Variants in NR3C2 observed in about 807,000 individuals in gnomAD.
NR3C2 encodes mineralocorticoid receptor.
A neutral mutation model predicts 86.4 loss-of-function variants in NR3C2; 15 were observed. The ratio of observed to expected loss-of-function variants is 0.17; its 90% CI spans 0.12 to 0.27. NR3C2 has a LOEUF of 0.27. Among genes scored for constraint, NR3C2 ranks in the 10% least tolerant of loss-of-function variants. The probability of loss-of-function intolerance (pLI) is 1.00; values close to 1 mark genes in which losing one functional copy is unlikely to be tolerated. For synonymous variants in NR3C2, 458 were observed against 450.5 expected, an observed-to-expected ratio of 1.02 and a Z score of -0.21; for missense variants, 960 against 1,195.6, an observed-to-expected ratio of 0.80 and a Z score of 2.91.
chr4:148,136,078 A>C (rs1222417155), intron 6 of NR3C2, among the ~76,000 whole-genome samples: 2 of 33,590 alleles, frequency 6.0e-5, no homozygotes, highest in Admixed American at 2.9e-4. Flanking sequence ...AAAAAAAAAC[A>C]AAAAAAAAAA....
At chr4:148,386,613 G>T (rs1453684281) in intron 2 of NR3C2, among the ~76,000 whole-genome samples, 1 of 152,192 alleles carries the variant, frequency 6.6e-6, no homozygotes, top group Non-Finnish European at 1.5e-5. Flanking sequence ...CTTATGCCAA[G>T]AATGAAGCGA....
intron 8 of NR3C2, among the ~76,000 whole-genome samples, chr4:148,086,588 A>G (rs1009464755): frequency 2.6e-5 from 4 of 152,184 alleles, no homozygotes; most frequent in Admixed American, 2.6e-4. Flanking sequence ...AAATAAATAA[A>G]TAAATTAGCC....
At chr4:148,306,814 G>C (rs997200044) in intron 2 of NR3C2, among the ~76,000 whole-genome samples, 2 of 152,156 alleles carry the variant, frequency 1.3e-5, no homozygotes, top group East Asian at 3.9e-4. Context: ...ATTAAAAATA[G>C]ATTATAGCAC....
chr4:148,169,958 AG>A (rs1735050400), intron 4 of NR3C2, among the ~76,000 whole-genome samples: 1 of 152,248 alleles, frequency 6.6e-6, no homozygotes, highest in African/African-American at 2.4e-5. Context: ...AGCAGGAGAA[AG>A]AGAGAAACTG....
chr4:148,265,674 G>A (rs1423746854), intron 2 of NR3C2, among the ~76,000 whole-genome samples: 6 of 152,110 alleles, frequency 3.9e-5, no homozygotes, highest in South Asian at 2.1e-4. Flanking sequence ...CACCATCACC[G>A]GCTACAGTGT....
chr4:148,223,528 G>T (rs75415607), intron 3 of NR3C2, among the ~76,000 whole-genome samples: 1 of 152,158 alleles, frequency 6.6e-6, no homozygotes, highest in South Asian at 2.1e-4. Context: ...CAAAGTCAGG[G>T]TGTTACTGAG....
intron 3 of NR3C2, among the ~76,000 whole-genome samples, chr4:148,199,659 C>T (rs959539861): frequency 2.6e-5 from 4 of 152,046 alleles, no homozygotes; most frequent in Non-Finnish European, 4.4e-5. Flanking sequence ...GAGCAAGGCC[C>T]TCGGAAAACA....
intron 2 of NR3C2, among the ~76,000 whole-genome samples, chr4:148,389,401 A>C (rs2126483672): frequency 6.6e-6 from 1 of 152,338 alleles, no homozygotes; most frequent in Admixed American, 6.5e-5. Flanking sequence ...AAGAGTTTCA[A>C]AGGTAAATGC....
intron 7 of NR3C2, 114 bp from the exon 8 acceptor site, chr4:148,114,375 C>T: frequency 8.9e-7 from 1 of 1,128,052 alleles, no homozygotes; most frequent in Admixed American, 2.0e-5. Context: ...CAATTAATTG[C>T]ATTTATGAAT....
rs527798874 is a variant in NR3C2, at chr4:148,316,052, A to G, written c.1758-55935T>C. Among the ~76,000 whole-genome samples the G allele has an allele frequency of 7.2e-5, 11 of 152,336 alleles. No homozygotes were observed. In the East Asian group the frequency reaches 2.1e-3, roughly 29 times the overall value. ...ACCAATAATGCCAACTAGAATGGTT[A>G]AAAGTAGAAAAACATGTTGTAAAAC... is the stretch of plus-strand genomic sequence containing the variant. On this transcript the variant is annotated intron_variant, in intron 2 of 8. Transcript: ENST00000358102.
intron 2 of NR3C2, among the ~76,000 whole-genome samples, chr4:148,403,252 C>T (rs1156320829): frequency 2.6e-5 from 4 of 151,904 alleles, no homozygotes; most frequent in Non-Finnish European, 4.4e-5. Flanking sequence ...ACTTGAGATC[C>T]AAACACATAT....
chr4:148,114,046 G>A lies in NR3C2; in HGVS notation c.2799+58C>T, dbSNP rs529694079. On this transcript the variant is annotated intron_variant, in intron 8 of 8. Transcript: ENST00000358102. Reference sequence around the variant, plus strand: ...TCTCAGTCTCTGTTTCCTTTGGTCAGCAGTGTGTATGTGGTTGCTGATCCT... The same window carrying A: ...TCTCAGTCTCTGTTTCCTTTGGTCAACAGTGTGTATGTGGTTGCTGATCCT... 4.6e-5 allele frequency: 73 copies of A among 1,594,736 alleles called. No individual in the cohort carries two copies. In the South Asian group the frequency reaches 7.8e-4, roughly 17 times the overall value.
At chr4:148,306,187 T>C (rs1742612396) in intron 2 of NR3C2, among the ~76,000 whole-genome samples, 1 of 152,190 alleles carries the variant, frequency 6.6e-6, no homozygotes, top group Admixed American at 6.5e-5. Flanking sequence ...AAAAAAGAAA[T>C]GGAAATAAAT....
chr4:148,141,603 G>C (rs558814355), intron 6 of NR3C2, among the ~76,000 whole-genome samples: 12 of 152,304 alleles, frequency 7.9e-5, no homozygotes, highest in African/African-American at 2.6e-4. Flanking sequence ...AAGTACTATA[G>C]AGCAGGGGTC....
intron 2 of NR3C2, among the ~76,000 whole-genome samples, chr4:148,260,559 T>C (rs1269138081): frequency 6.6e-6 from 1 of 152,170 alleles, no homozygotes; most frequent in Non-Finnish European, 1.5e-5. Flanking sequence ...CAAAAAAATT[T>C]TAAACCTCCC....
At chr4:148,171,253 T>A (rs1735110324) in intron 4 of NR3C2, among the ~76,000 whole-genome samples, 1 of 152,232 alleles carries the variant, frequency 6.6e-6, no homozygotes, top group Non-Finnish European at 1.5e-5. Flanking sequence ...AAGTTGCACC[T>A]CTTTCCCTAT....
chr4:148,136,622 C>A lies in NR3C2; in HGVS notation c.2510+15847G>T, dbSNP rs77235676. Among the ~76,000 whole-genome samples the A allele has an allele frequency of 9.2e-5, 14 of 152,276 alleles. No individual in the cohort carries two copies. In the East Asian group the frequency reaches 2.7e-3, roughly 29 times the overall value. ...TACACAGTTTTGCCCGGCAGCTTTC[C>A]TTGACCACTGTAGTCCAGAAGAGTC... On this transcript the variant is annotated intron_variant, in intron 6 of 8. Transcript: ENST00000358102.
chr4:148,194,249 A>C (rs1736336737), intron 4 of NR3C2, among the ~76,000 whole-genome samples: 1 of 152,140 alleles, frequency 6.6e-6, no homozygotes, highest in South Asian at 2.1e-4. Context: ...TGGATGTTGT[A>C]TACTTTCGCA....
At chr4:148,108,090 C>T (rs934797284) in intron 8 of NR3C2, among the ~76,000 whole-genome samples, 2 of 152,034 alleles carry the variant, frequency 1.3e-5, no homozygotes, top group Non-Finnish European at 2.9e-5. Flanking sequence ...TATTGTGTCA[C>T]TGACTGTTTT....
Sources: gnomAD v4.1 joint callset for allele counts (sites outside exome capture counted in the v4.1 genomes callset) on GRCh38, gnomAD v4.1.1 for gene constraint, MANE v1.5 for transcripts, NCBI Gene and HGNC (gene_info 2026-07-23, HGNC 2026-07-21) for gene names.